TLN2: variants seen among roughly 807,000 people sequenced by gnomAD.
TLN2 encodes the protein talin-2.
Under a neutral mutation model 294.7 loss-of-function variants are expected in TLN2, and 118 were observed. The observed-to-expected ratio is 0.40, with a 90% CI of 0.34 to 0.47. The LOEUF (loss-of-function observed/expected upper bound fraction) is 0.47. Ranked by LOEUF, TLN2 falls within the 20% of genes least tolerant of loss-of-function variation. The probability of loss-of-function intolerance (pLI) is 0.84; values close to 1 mark genes in which losing one functional copy is unlikely to be tolerated. For synonymous variants in TLN2, 1,431 were observed against 1,304.5 expected (o/e 1.10, Z -2.09); for missense variants, 3,083 against 3,282.2 (o/e 0.94, Z 1.48).
At chr15:62,795,160 T>C (rs1168391022) in intron 46 of TLN2, among the ~76,000 whole-genome samples, 1 of 152,134 alleles carries the variant, frequency 6.6e-6, no homozygotes, top group Non-Finnish European at 1.5e-5. Context: ...ACATCCGTGC[T>C]TGGTGGCTTT....
intron 45 of TLN2, among the ~76,000 whole-genome samples, chr15:62,790,043 T>C (rs2064969048): frequency 6.6e-6 from 1 of 152,198 alleles, no homozygotes; most frequent in Non-Finnish European, 1.5e-5. Flanking sequence ...GCATCTGCCT[T>C]GTCCGCAGTG....
At chr15:62,779,386 A>G (rs2063949059) in intron 43 of TLN2, among the ~76,000 whole-genome samples, 1 of 152,236 alleles carries the variant, frequency 6.6e-6, no homozygotes, top group Non-Finnish European at 1.5e-5. Context: ...AACAAAAACA[A>G]ACAAAAACTG....
At chr15:62,667,004 C>T (rs1444875579) in intron 9 of TLN2, among the ~76,000 whole-genome samples, 4 of 152,238 alleles carry the variant, frequency 2.6e-5, no homozygotes, top group South Asian at 2.1e-4. Context: ...CTCGCTCTGT[C>T]GCCCAGGCTG....
intron 2 of TLN2, among the ~76,000 whole-genome samples, chr15:62,593,308 A>G (rs563224849): frequency 9.8e-5 from 15 of 152,338 alleles, no homozygotes; most frequent in Admixed American, 3.3e-4. Context: ...TGAGTGACTG[A>G]GAGTTCTTCT....
chr15:62,838,995 T>A lies in TLN2; in HGVS notation c.7500+14T>A, dbSNP rs201947434. On this transcript the variant is annotated intron_variant, in intron 58 of 58. Coordinates refer to ENST00000636159, the MANE Select transcript of TLN2 (RefSeq NM_015059.3). ...GGCATTGCTCAGGTTTGTAATTAAA[T>A]CAAGAATAGTATTTACTTCCCGAGA... is the stretch of plus-strand genomic sequence containing the variant. The A allele has an allele frequency of 1.3e-4, 216 of 1,613,070 alleles. No individual in the cohort carries two copies. Among genetic ancestry groups the A allele is most frequent in the Non-Finnish European group, 1.6e-4 (192 of 1,179,626 alleles).
intron 2 of TLN2, among the ~76,000 whole-genome samples, chr15:62,601,993 G>A (rs2047051039): frequency 6.6e-6 from 1 of 152,138 alleles, no homozygotes; most frequent in African/African-American, 2.4e-5. Context: ...AATGTTACAG[G>A]ATTGTCTTAC....
chr15:62,609,615 G>C (rs1480134044), intron 2 of TLN2, among the ~76,000 whole-genome samples: 1 of 152,122 alleles, frequency 6.6e-6, no homozygotes, highest in Non-Finnish European at 1.5e-5. Context: ...CTGATGCGTC[G>C]TTGGCGGGAA....
intron 1 of TLN2, among the ~76,000 whole-genome samples, chr15:62,543,628 G>T (rs1038607740): frequency 1.3e-4 from 19 of 151,994 alleles, no homozygotes; most frequent in African/African-American, 4.6e-4. Context: ...GGTGGTGTGC[G>T]CCTGTAGTCC....
chr15:62,650,199 G>T lies in TLN2; in HGVS notation c.234+18G>T, dbSNP rs2052424734. 2.5e-6 allele frequency: 4 copies of T among 1,613,282 alleles called. No individual in the cohort carries two copies. The highest frequency in any genetic ancestry group is 3.4e-6 in the Non-Finnish European group (4 of 1,179,384). ...GGAATGGGGTATGCTGCCAATCCCA[G>T]TGCTGTTTCTTCATCCCTTTGTCCC... On this transcript the variant is annotated intron_variant, in intron 5 of 58. Coordinates refer to ENST00000636159, the MANE Select transcript of TLN2 (RefSeq NM_015059.3).
Position 62,485,503 on chromosome 15 carries a change from T to C in TLN2, c.-238+94818T>C, listed in dbSNP as rs147922234. On this transcript the variant is annotated intron_variant, in intron 1 of 58. Coordinates refer to ENST00000636159, the MANE Select transcript of TLN2 (RefSeq NM_015059.3). ...GAGGCTGTGGACATGAGAACAGGAG[T>C]CATCCCTTCCCATGGGAAAAGGGCA... Among the ~76,000 whole-genome samples, 292 of 152,276 alleles carry C rather than the reference T, an allele frequency of 1.9e-3. 3 individuals carry two copies. Among genetic ancestry groups the C allele is most frequent in the African/African-American group, 6.7e-3 (279 of 41,552 alleles).
chr15:62,715,747 A>G (rs1377474050), intron 22 of TLN2, among the ~76,000 whole-genome samples: 3 of 152,192 alleles, frequency 2.0e-5, no homozygotes, highest in Admixed American at 6.5e-5. Context: ...ACTTTATACT[A>G]GACCTTCCAA....
intron 40 of TLN2, among the ~76,000 whole-genome samples, chr15:62,764,577 G>A (rs772039849): frequency 1.2e-4 from 19 of 152,256 alleles, no homozygotes; most frequent in Middle Eastern, 3.4e-3. Context: ...ATTAAAGTCC[G>A]TATGTATATG....
At chr15:62,505,877 C>A (rs559651297) in intron 1 of TLN2, among the ~76,000 whole-genome samples, 2 of 152,128 alleles carry the variant, frequency 1.3e-5, no homozygotes, top group Non-Finnish European at 2.9e-5. Context: ...CTTTGGGTAG[C>A]CTGAACTTAC....
chr15:62,690,684 C>T (rs1367224613), intron 12 of TLN2, among the ~76,000 whole-genome samples: 12 of 148,860 alleles, frequency 8.1e-5, no homozygotes, highest in East Asian at 2.0e-4. Context: ...GATGTTGTAG[C>T]GAGCCGAGAT....
At chr15:62,470,968 A>G (rs1215778035) in intron 1 of TLN2, among the ~76,000 whole-genome samples, 2 of 152,250 alleles carry the variant, frequency 1.3e-5, no homozygotes, top group South Asian at 2.1e-4. Context: ...CTTGACATAT[A>G]TATGAAGAAG....
chr15:62,635,326 A>G (rs1213407782), intron 3 of TLN2, among the ~76,000 whole-genome samples: 1 of 152,194 alleles, frequency 6.6e-6, no homozygotes, highest in African/African-American at 2.4e-5. Context: ...ATCCTTATTT[A>G]TGATAGGAAA....
intron 50 of TLN2, among the ~76,000 whole-genome samples, chr15:62,804,479 T>C (rs1179089198): frequency 1.3e-5 from 2 of 152,028 alleles, no homozygotes; most frequent in Admixed American, 1.3e-4. Context: ...GAACCAGTAA[T>C]CCCAGCTACT....
At chr15:62,434,230 ATG>A (rs1419696731) in intron 1 of TLN2, among the ~76,000 whole-genome samples, 3 of 152,142 alleles carry the variant, frequency 2.0e-5, no homozygotes, top group African/African-American at 7.2e-5. Flanking sequence ...GTCTATGTAT[ATG>A]TGTCTTTATG....
intron 2 of TLN2, among the ~76,000 whole-genome samples, chr15:62,599,356 A>G (rs2046805990): frequency 6.6e-6 from 1 of 152,208 alleles, no homozygotes; most frequent in East Asian, 1.9e-4. Flanking sequence ...CCATTAACTT[A>G]CAGTGATCTC....
Sources: gnomAD v4.1 joint callset for allele counts (sites outside exome capture counted in the v4.1 genomes callset) on GRCh38, gnomAD v4.1.1 for gene constraint, MANE v1.5 for transcripts, NCBI Gene and HGNC (gene_info 2026-07-23, HGNC 2026-07-21) for gene names.